NALF1: variants seen among roughly 807,000 people sequenced by gnomAD.
The protein encoded by NALF1 is NALCN channel auxiliary factor 1.
Under a neutral mutation model 48.4 loss-of-function variants are expected in NALF1, and 3 were observed. That is an observed-to-expected ratio of 0.06 (90% confidence interval 0.03 to 0.16). The LOEUF is 0.16. Among genes scored for constraint, NALF1 ranks in the 10% least tolerant of loss-of-function variants. The probability of loss-of-function intolerance (pLI) is 1.00; values close to 1 mark genes in which losing one functional copy is unlikely to be tolerated. For synonymous variants in NALF1, 262 were observed against 245.7 expected (o/e 1.07, Z -0.62); for missense variants, 526 against 571.5 (o/e 0.92, Z 0.81).
chr13:107,282,473 C>T (rs1881407889), intron 1 of NALF1, among the ~76,000 whole-genome samples: 1 of 152,182 alleles, frequency 6.6e-6, no homozygotes, highest in Non-Finnish European at 1.5e-5. Context: ...AGCCAGCCCC[C>T]AAGGTGGCCA....
At chr13:107,412,807 A>T (rs144015984) in intron 1 of NALF1, among the ~76,000 whole-genome samples, 1 of 152,234 alleles carries the variant, frequency 6.6e-6, no homozygotes, top group Non-Finnish European at 1.5e-5. Flanking sequence ...CCCTATTACA[A>T]GAGAGACACT....
At chr13:107,562,333 C>T (rs1051750822) in intron 1 of NALF1, among the ~76,000 whole-genome samples, 7 of 152,140 alleles carry the variant, frequency 4.6e-5, no homozygotes, top group African/African-American at 1.4e-4. Flanking sequence ...CAGTCAAAGG[C>T]GTGCTTGTAA....
At chr13:107,685,137 G>A (rs1465753496) in intron 1 of NALF1, among the ~76,000 whole-genome samples, 1 of 152,068 alleles carries the variant, frequency 6.6e-6, no homozygotes, top group Non-Finnish European at 1.5e-5. Context: ...ACATGGTGAA[G>A]CCCCATGTGT....
At chr13:107,502,105 C>T (rs1457393640) in intron 1 of NALF1, among the ~76,000 whole-genome samples, 1 of 151,742 alleles carries the variant, frequency 6.6e-6, no homozygotes, top group African/African-American at 2.4e-5. Context: ...ATGCATTATC[C>T]CGAATGAAAA....
intron 1 of NALF1, among the ~76,000 whole-genome samples, chr13:107,316,019 G>A (rs1882142496): frequency 6.6e-6 from 1 of 151,896 alleles, no homozygotes; most frequent in Non-Finnish European, 1.5e-5. Flanking sequence ...TTTACATTAG[G>A]TATATCTCCT....
At chr13:107,427,479 ACTT>A (rs1378914492) in intron 1 of NALF1, among the ~76,000 whole-genome samples, 7 of 152,204 alleles carry the variant, frequency 4.6e-5, no homozygotes, top group Admixed American at 3.3e-4. Flanking sequence ...CTTAAGAAGA[ACTT>A]CTTAAGAAAC....
intron 1 of NALF1, among the ~76,000 whole-genome samples, chr13:107,356,139 T>C (rs1882959912): frequency 6.6e-6 from 1 of 152,092 alleles, no homozygotes; most frequent in Non-Finnish European, 1.5e-5. Flanking sequence ...GTTAGCAGAG[T>C]TTAACACCTC....
At chr13:107,797,344 T>C (rs1324333040) in intron 1 of NALF1, among the ~76,000 whole-genome samples, 1 of 152,094 alleles carries the variant, frequency 6.6e-6, no homozygotes, top group Admixed American at 6.6e-5. Context: ...TAACTGGGAA[T>C]ACAGGCGCCC....
intron 1 of NALF1, among the ~76,000 whole-genome samples, chr13:107,822,481 G>A (rs1305733011): frequency 6.6e-6 from 1 of 152,098 alleles, no homozygotes; most frequent in Non-Finnish European, 1.5e-5. Context: ...AAATCCTGGA[G>A]AGTGAGGTAC....
intron 1 of NALF1, among the ~76,000 whole-genome samples, chr13:107,346,150 A>G: frequency 6.6e-6 from 1 of 151,228 alleles, no homozygotes; most frequent in East Asian, 2.0e-4. Flanking sequence ...AACGGGAAAC[A>G]TTGCGTACTT....
chr13:107,612,316 G>A (rs1404290258), intron 1 of NALF1, among the ~76,000 whole-genome samples: 5 of 152,116 alleles, frequency 3.3e-5, no homozygotes, highest in Non-Finnish European at 5.9e-5. Context: ...CTTCAGCCAC[G>A]CAAGACAAAA....
chr13:107,299,575 C>T (rs1456349736), intron 1 of NALF1, among the ~76,000 whole-genome samples: 1 of 151,434 alleles, frequency 6.6e-6, no homozygotes, highest in South Asian at 2.1e-4. Context: ...ATAAGTGGAT[C>T]TTTCCTGCAG....
At chr13:107,445,752 T>C (rs1396846563) in intron 1 of NALF1, among the ~76,000 whole-genome samples, 1 of 152,210 alleles carries the variant, frequency 6.6e-6, no homozygotes, top group Non-Finnish European at 1.5e-5. Flanking sequence ...GCCATTTTGA[T>C]AGGTACATAG....
chr13:107,245,763 T>C (rs1228402796), intron 1 of NALF1, among the ~76,000 whole-genome samples: 1 of 152,174 alleles, frequency 6.6e-6, no homozygotes, highest in East Asian at 1.9e-4. Flanking sequence ...TCTTTTTTTT[T>C]ATATTCAGCC....
intron 1 of NALF1, among the ~76,000 whole-genome samples, chr13:107,862,081 G>C (rs1207174495): frequency 6.6e-6 from 1 of 152,146 alleles, no homozygotes; most frequent in East Asian, 1.9e-4. Context: ...AATTTATACT[G>C]AGAGAACTAA....
At chr13:107,798,891 TAA>T (rs1878515065) in intron 1 of NALF1, among the ~76,000 whole-genome samples, 1 of 152,196 alleles carries the variant, frequency 6.6e-6, no homozygotes, top group African/African-American at 2.4e-5. Flanking sequence ...GAAATAACAG[TAA>T]ACACATACAT....
chr13:107,806,235 C>A (rs1028468372), intron 1 of NALF1, among the ~76,000 whole-genome samples: 1 of 152,050 alleles, frequency 6.6e-6, no homozygotes, highest in Non-Finnish European at 1.5e-5. Context: ...ATATTCTGTG[C>A]CTTCAGGTAA....
chr13:107,759,062 A>G (rs1263137979), intron 1 of NALF1, among the ~76,000 whole-genome samples: 1 of 152,166 alleles, frequency 6.6e-6, no homozygotes, highest in African/African-American at 2.4e-5. Flanking sequence ...TAGATTTTGT[A>G]ATAGACTTCT....
At chr13:107,281,942 G>A (rs1334068425) in intron 1 of NALF1, among the ~76,000 whole-genome samples, 2 of 152,112 alleles carry the variant, frequency 1.3e-5, no homozygotes, top group Admixed American at 1.3e-4. Flanking sequence ...ACATCCACCT[G>A]GTCTCTCCTT....
Sources: allele counts gnomAD v4.1 joint callset (sites outside exome capture counted in the v4.1 genomes callset), GRCh38; gene constraint gnomAD v4.1.1; transcripts MANE v1.5; gene names NCBI Gene and HGNC (gene_info 2026-07-23, HGNC 2026-07-21).